P2RY10: variants seen among roughly 807,000 people sequenced by gnomAD.
The protein encoded by P2RY10 is P2Y receptor family member 10.
Under a neutral mutation model 12.1 loss-of-function variants are expected in P2RY10, and 4 were observed. That is an observed-to-expected ratio of 0.33 (90% CI 0.16 to 0.76). The LOEUF is 0.76. Ranked by LOEUF, P2RY10 falls within the 30% of genes least tolerant of loss-of-function variation. The probability of loss-of-function intolerance (pLI) is 0.61; values close to 1 mark genes in which losing one functional copy is unlikely to be tolerated. For synonymous variants in P2RY10, 112 were observed against 94.1 expected (o/e 1.19, Z -1.10); for missense variants, 233 against 264.6 (o/e 0.88, Z 0.83).
At chrX:78,946,903 T>G (rs1446121361) in intron 1 of P2RY10, among the ~76,000 whole-genome samples, 3 of 110,994 alleles carry the variant, frequency 2.7e-5, no homozygotes, top group Non-Finnish European at 5.7e-5. Context: ...TTGAAATAAG[T>G]GAGTTGGGGT....
At position 78,950,586 on chromosome X, in the gene P2RY10, ATTCATAAGCACAAT is replaced by A. The variant is rs771269784; in HGVS notation, c.-156-1605_-156-1592del. Among the ~76,000 whole-genome samples, 7 of 111,646 alleles carry A rather than the reference ATTCATAAGCACAAT, an allele frequency of 6.3e-5. No homozygotes were observed. The East Asian group carries it at 2.0e-3, about 31-fold the overall frequency. On this transcript the variant is annotated intron_variant, in intron 2 of 3. Transcript: ENST00000171757. Reference sequence around the variant, plus strand: ...TATCTACAGATTTGTTATAATTTGAATTCATAAGCACAATTCCATAAAGAACGTTGGTTTTGATA... The same window carrying A: ...TATCTACAGATTTGTTATAATTTGAATCCATAAAGAACGTTGGTTTTGATA...
intron 1 of P2RY10, among the ~76,000 whole-genome samples, chrX:78,947,410 G>A (rs184825837): frequency 1.3e-3 from 143 of 111,941 alleles, no homozygotes; most frequent in African/African-American, 4.5e-3. Flanking sequence ...CTTCAGATCA[G>A]TATATTTTGT....
chrX:78,947,246 A>G (rs1921884677), intron 1 of P2RY10, among the ~76,000 whole-genome samples: 1 of 111,113 alleles, frequency 9.0e-6, no homozygotes. Flanking sequence ...TAGGCTGCCT[A>G]TCTATACTAT....
At position 78,947,826 on chromosome X, in the gene P2RY10, A is replaced by G; in HGVS notation, c.-194A>G. The G allele has an allele frequency of 7.1e-6, 5 of 707,728 alleles. No individual in the cohort carries two copies. Among genetic ancestry groups the G allele is most frequent in the Non-Finnish European group, 8.4e-6 (5 of 596,644 alleles). 58.3% of individuals were successfully genotyped at this position (707,728 alleles called of 1,213,427 possible). A position where few individuals can be genotyped will look rare whatever the true frequency, so the allele number is the denominator to read the frequency against. ...TATATTTCTTTCAGGTAATGTTATC[A>G]TGACAGCTTCAACTTTTAGACCACA... On this transcript the variant is annotated 5_prime_UTR_variant, in exon 2 of 4. An upstream start codon of the reference 5' UTR is lost. Coordinates refer to ENST00000171757, the MANE Select transcript of P2RY10 (RefSeq NM_014499.4).
intron 3 of P2RY10, among the ~76,000 whole-genome samples, chrX:78,959,206 G>A (rs1922489730): frequency 9.0e-6 from 1 of 111,506 alleles, no homozygotes; most frequent in African/African-American, 3.3e-5. Context: ...AAACAAAGAT[G>A]AGGAGAAGGG....
At chrX:78,957,493 G>A (rs1214236277) in intron 3 of P2RY10, among the ~76,000 whole-genome samples, 1 of 109,758 alleles carries the variant, frequency 9.1e-6, no homozygotes, top group African/African-American at 3.3e-5. Context: ...TCTTGTTAGT[G>A]GCTTCTTAGC....
chrX:78,948,019 G>A (rs1943838072), intron 2 of P2RY10, among the ~76,000 whole-genome samples, 156 bp downstream of exon 2: 1 of 111,789 alleles, frequency 8.9e-6, no homozygotes, highest in Admixed American at 9.5e-5. Context: ...TTCACTACAA[G>A]GTTACTGTGA....
At chrX:78,946,420 T>C (rs963809987) in intron 1 of P2RY10, among the ~76,000 whole-genome samples, 2 of 111,743 alleles carry the variant, frequency 1.8e-5, no homozygotes, top group Non-Finnish European at 3.8e-5. Flanking sequence ...AAAGGAGACT[T>C]TCAGCTAAGG....
rs769872876 is a variant in P2RY10 at position 78,960,564 on chromosome X, G to A, written c.44G>A (p.Ser15Asn). 8.3e-6 allele frequency: 10 copies of A among 1,208,403 alleles called. No homozygotes were observed. The South Asian group carries it at 1.6e-4, about 19-fold the overall frequency. ...DKYTETFKMG[S>N]NSTSTAEIYC... ...TACACTGAAACATTCAAGATGGGTAGCAACAGTACCAGCACTGCTGAGATT... is the reference window on the plus strand; with the variant it reads ...TACACTGAAACATTCAAGATGGGTAACAACAGTACCAGCACTGCTGAGATT... The change falls in exon 4 of 4, where the codon AGC (serine) becomes AAC (asparagine). Residue 15 changes from serine to asparagine, a missense_variant. Coordinates refer to ENST00000171757, the MANE Select transcript of P2RY10 (RefSeq NM_014499.4).
intron 3 of P2RY10, among the ~76,000 whole-genome samples, chrX:78,956,009 G>A (rs757250691): frequency 1.1e-4 from 12 of 111,741 alleles, no homozygotes; most frequent in Non-Finnish European, 1.9e-4. Flanking sequence ...GATTACAGAC[G>A]CAGCCTCCTC....
intron 3 of P2RY10, among the ~76,000 whole-genome samples, chrX:78,955,345 A>G (rs1372035477): frequency 8.9e-6 from 1 of 111,772 alleles, no homozygotes. Context: ...TGAGATAAGG[A>G]ATTACAATTT....
rs1300423381 is a variant in P2RY10, at chrX:78,963,607, C to A, written c.*2067C>A. Among the ~76,000 whole-genome samples the A allele has an allele frequency of 8.9e-6, 1 of 112,588 alleles. No homozygotes were observed. Among genetic ancestry groups the A allele is most frequent in the Non-Finnish European group, 1.9e-5 (1 of 53,294 alleles). ...TTTATGGAATAGTTGGCAAATTAAA[C>A]AACATGCTTTTTATTTTGACTACCA... is the stretch of plus-strand genomic sequence containing the variant. On this transcript the variant is annotated 3_prime_UTR_variant, in exon 4 of 4. Transcript: ENST00000171757.
rs1922731456 is a variant in P2RY10, at chrX:78,963,422, A to G, written c.*1882A>G. 8.9e-6 allele frequency among the ~76,000 whole-genome samples: 1 copy of G among 112,380 alleles called. No homozygotes were observed. The highest frequency in any genetic ancestry group is 1.9e-5 in the Non-Finnish European group (1 of 53,282). On this transcript the variant is annotated 3_prime_UTR_variant, in exon 4 of 4. Transcript: ENST00000171757. Reference sequence around the variant, plus strand: ...ATGGCAACATTATCAGAATGACTACACAGACAGTCCTACTCTGAGGAGATG... The same window carrying G: ...ATGGCAACATTATCAGAATGACTACGCAGACAGTCCTACTCTGAGGAGATG...
intron 1 of P2RY10, among the ~76,000 whole-genome samples, chrX:78,946,250 G>C (rs1921829175): frequency 8.9e-6 from 1 of 112,010 alleles, no homozygotes; most frequent in South Asian, 3.8e-4. Context: ...TTCAGAGTCT[G>C]GTCAGAGTGG....
intron 2 of P2RY10, among the ~76,000 whole-genome samples, chrX:78,950,056 T>C (rs1922037300): frequency 8.9e-6 from 1 of 112,215 alleles, no homozygotes; most frequent in Non-Finnish European, 1.9e-5. Flanking sequence ...GTTTAATTTT[T>C]TCTTCCCCTC....
chrX:78,946,953 G>A (rs1032694367), intron 1 of P2RY10, among the ~76,000 whole-genome samples: 2 of 111,877 alleles, frequency 1.8e-5, no homozygotes, highest in East Asian at 2.8e-4. Context: ...GGTGGCTCAC[G>A]CTGTAATTCC....
At chrX:78,958,689 C>A (rs749939433) in intron 3 of P2RY10, among the ~76,000 whole-genome samples, 35 of 112,097 alleles carry the variant, frequency 3.1e-4, no homozygotes, top group Non-Finnish European at 5.3e-4. Flanking sequence ...TTGATCGTCA[C>A]CACATGATAA....
chrX:78,956,112 C>T (rs1046650564), intron 3 of P2RY10, among the ~76,000 whole-genome samples: 3 of 111,864 alleles, frequency 2.7e-5, no homozygotes, highest in African/African-American at 9.8e-5. Flanking sequence ...ACTTTGAAAG[C>T]AAATCATGAA....
rs1922139450 is a variant in P2RY10 at position 78,952,259 on chromosome X, G to A, written c.-90G>A. 9.4e-6 allele frequency: 7 copies of A among 746,810 alleles called. No homozygotes were observed. Among genetic ancestry groups the A allele is most frequent in the Non-Finnish European group, 1.1e-5 (7 of 632,591 alleles). 61.5% of individuals were successfully genotyped at this position (746,810 alleles called of 1,213,427 possible). On this transcript the variant is annotated 5_prime_UTR_variant, in exon 3 of 4. An upstream open reading frame in the 5' UTR loses its in-frame stop. Coordinates refer to ENST00000171757, the MANE Select transcript of P2RY10 (RefSeq NM_014499.4). ...TCACCAACATACCCTTCTTTCAAGT[G>A]AAAAGGCATCTCTTTTAATGGTCCT...
Sources: allele counts gnomAD v4.1 joint callset (sites outside exome capture counted in the v4.1 genomes callset), GRCh38; gene constraint gnomAD v4.1.1; transcripts MANE v1.5; gene names NCBI Gene and HGNC (gene_info 2026-07-23, HGNC 2026-07-21).